Variants in SESTD1 observed in about 807,000 individuals in gnomAD.
SESTD1 encodes SEC14 domain and spectrin repeat-containing protein 1.
A neutral mutation model predicts 101.7 loss-of-function variants in SESTD1; 43 were observed. That is an observed-to-expected ratio of 0.42 (90% CI 0.33 to 0.55). SESTD1 has a LOEUF of 0.55. Ranked by LOEUF, SESTD1 falls within the 20% of genes least tolerant of loss-of-function variation. SESTD1 has a pLI of 0.07. For missense variants in SESTD1, 647 were observed against 815.1 expected (o/e 0.79, Z 2.51); for synonymous variants, 283 against 286.8 (o/e 0.99, Z 0.13).
intron 1 of SESTD1, among the ~76,000 whole-genome samples, chr2:179,227,779 G>C (rs933190526): frequency 6.6e-6 from 1 of 152,048 alleles, no homozygotes; most frequent in African/African-American, 2.4e-5. Context: ...AATTTTGGGG[G>C]GAAAATGAGC....
chr2:179,222,064 T>C (rs1031019509), intron 1 of SESTD1, among the ~76,000 whole-genome samples: 1 of 152,204 alleles, frequency 6.6e-6, no homozygotes, highest in African/African-American at 2.4e-5. Context: ...GGAACAAACA[T>C]AGGACACATG....
intron 5 of SESTD1, among the ~76,000 whole-genome samples, chr2:179,168,770 G>A (rs1364967901): frequency 6.6e-6 from 1 of 152,052 alleles, no homozygotes; most frequent in African/African-American, 2.4e-5. Context: ...TTTAATTGCT[G>A]TAAAAGAAAA....
intron 10 of SESTD1, among the ~76,000 whole-genome samples, chr2:179,127,113 T>C (rs1025892391): frequency 1.3e-5 from 2 of 152,224 alleles, no homozygotes; most frequent in African/African-American, 4.8e-5. Flanking sequence ...ATGTTTTGGC[T>C]CCTGACTTCC....
At chr2:179,250,682 A>G (rs2047304000) in intron 1 of SESTD1, among the ~76,000 whole-genome samples, 1 of 135,314 alleles carries the variant, frequency 7.4e-6, no homozygotes, top group Admixed American at 7.0e-5. Flanking sequence ...CTAAAGACCC[A>G]ATTTCAACTA....
chr2:179,112,779 C>G lies in SESTD1; in HGVS notation c.1906G>C (p.Ala636Pro), dbSNP rs780872796. ...NDEEQFDEIE[A>P]VGKSLLDRLT... ...CTATCCAAAAGTGATTTCCCAACTG[C>G]TTCAATTTCATCAAATTGCTCCTCA... The change falls in exon 17 of 18, where the codon GCA (alanine) becomes CCA (proline). Residue 636 changes from alanine to proline, a missense_variant. Coordinates refer to ENST00000428443, the MANE Select transcript of SESTD1 (RefSeq NM_178123.5). The G allele has an allele frequency of 6.2e-7, 1 of 1,613,268 alleles. No homozygotes were observed. Among genetic ancestry groups the G allele is most frequent in the Non-Finnish European group, 8.5e-7 (1 of 1,179,984 alleles).
chr2:179,194,762 A>C (rs1200118845), intron 1 of SESTD1, among the ~76,000 whole-genome samples: 1 of 152,216 alleles, frequency 6.6e-6, no homozygotes, highest in Non-Finnish European at 1.5e-5. Context: ...AAGGGAAATA[A>C]GACAGGGGTC....
Position 179,124,371 on chromosome 2 carries a change from G to A in SESTD1, c.1160C>T (p.Ala387Val). The A allele has an allele frequency of 6.2e-7, 1 of 1,613,798 alleles. No individual in the cohort carries two copies. Reference protein sequence around the residue: ...LQAALEFHGVAQDLSQQLDGL... With the variant: ...LQAALEFHGVVQDLSQQLDGL... The stretch of plus-strand genomic sequence containing the variant: ...ATCAGAATAGACACTTACATCTTGG[G>A]CAACACCATGAAATTCAAGAGCTGC... Residue 387 changes from alanine to valine, a missense_variant, in exon 11 of 18, where the codon GCC (alanine) becomes GTC (valine). Coordinates refer to ENST00000428443, the MANE Select transcript of SESTD1 (RefSeq NM_178123.5).
chr2:179,252,451 T>C (rs750639510), intron 1 of SESTD1, among the ~76,000 whole-genome samples: 17 of 152,344 alleles, frequency 1.1e-4, no homozygotes, highest in Middle Eastern at 3.4e-3. Flanking sequence ...AATCGCTGTT[T>C]GTCTTCTGAG....
At chr2:179,242,840 T>C (rs2047175130) in intron 1 of SESTD1, among the ~76,000 whole-genome samples, 2 of 152,168 alleles carry the variant, frequency 1.3e-5, no homozygotes, top group Admixed American at 6.5e-5. Context: ...CCTAAAAGCA[T>C]AGAAATCCTA....
At chr2:179,198,741 T>G (rs534362415) in intron 1 of SESTD1, among the ~76,000 whole-genome samples, 1 of 151,962 alleles carries the variant, frequency 6.6e-6, no homozygotes, top group African/African-American at 2.4e-5. Context: ...GAAATAAAGA[T>G]GTTCTTTGAA....
At chr2:179,161,070 C>T (rs2045726673) in intron 5 of SESTD1, among the ~76,000 whole-genome samples, 1 of 141,268 alleles carries the variant, frequency 7.1e-6, no homozygotes. Flanking sequence ...CACCACCATA[C>T]CTAGCTTTTT....
At chr2:179,134,002 A>T (rs547668523) in intron 9 of SESTD1, among the ~76,000 whole-genome samples, 143 of 152,244 alleles carry the variant, frequency 9.4e-4, no homozygotes, top group Non-Finnish European at 9.3e-4. Context: ...TCTGCATTGT[A>T]GTAGATATTA....
chr2:179,141,995 CTCCT>C (rs1323978380), intron 9 of SESTD1, among the ~76,000 whole-genome samples: 4 of 152,284 alleles, frequency 2.6e-5, no homozygotes, highest in Non-Finnish European at 4.4e-5. Flanking sequence ...CATGATCCAA[CTCCT>C]TCCTTCCTTC....
At position 179,106,539 on chromosome 2, in the gene SESTD1, T is replaced by C. The variant is rs1409545917; in HGVS notation, c.*3360A>G. On this transcript the variant is annotated 3_prime_UTR_variant, in exon 18 of 18. Coordinates refer to ENST00000428443, the MANE Select transcript of SESTD1 (RefSeq NM_178123.5). Reference sequence around the variant, plus strand: ...CATCACTGTTAGTAAGGTAACTTAATTGTCATGCTCACGCTAAGGAGTACG... The same window carrying C: ...CATCACTGTTAGTAAGGTAACTTAACTGTCATGCTCACGCTAAGGAGTACG... 2 of 152,202 alleles carry C rather than the reference T, an allele frequency of 1.3e-5. No homozygotes were observed. The highest frequency in any genetic ancestry group is 2.4e-5 in the African/African-American group (1 of 41,466). 9.4% of individuals were successfully genotyped at this position (152,202 alleles called of 1,614,324 possible). A position where few individuals can be genotyped will look rare whatever the true frequency, so the allele number is the denominator to read the frequency against.
chr2:179,159,139 G>A (rs1418360283), intron 5 of SESTD1, among the ~76,000 whole-genome samples: 2 of 152,102 alleles, frequency 1.3e-5, no homozygotes, highest in African/African-American at 2.4e-5. Flanking sequence ...CTATGCATAC[G>A]CTTTTCGCCT....
chr2:179,240,677 A>G (rs1412519532), intron 1 of SESTD1, among the ~76,000 whole-genome samples: 1 of 152,096 alleles, frequency 6.6e-6, no homozygotes, highest in Non-Finnish European at 1.5e-5. Context: ...TACACAAAAC[A>G]CTGGCCTCAC....
chr2:179,246,673 AAGAT>A (rs1462441831), intron 1 of SESTD1, among the ~76,000 whole-genome samples: 4 of 152,236 alleles, frequency 2.6e-5, no homozygotes, highest in Non-Finnish European at 4.4e-5. Context: ...ATCACAGACT[AAGAT>A]AGATCAAACC....
chr2:179,183,480 C>A (rs1207197278), intron 2 of SESTD1, among the ~76,000 whole-genome samples: 1 of 152,058 alleles, frequency 6.6e-6, no homozygotes, highest in African/African-American at 2.4e-5. Flanking sequence ...TCATCAAACA[C>A]CTCTCACGTG....
intron 1 of SESTD1, among the ~76,000 whole-genome samples, chr2:179,221,314 T>TAA (rs11443133): frequency 5.0e-4 from 73 of 145,554 alleles, no homozygotes; most frequent in Middle Eastern, 6.9e-3. Flanking sequence ...AAAGTCCCAT[T>TAA]AAAAAAAAAA....
Sources: gnomAD v4.1 joint callset for allele counts (sites outside exome capture counted in the v4.1 genomes callset) on GRCh38, gnomAD v4.1.1 for gene constraint, MANE v1.5 for transcripts, NCBI Gene and HGNC (gene_info 2026-07-23, HGNC 2026-07-21) for gene names.